CFAP99: variants seen among roughly 807,000 people sequenced by gnomAD.
CFAP99 encodes the protein cilia and flagella associated protein 99.
Under a neutral mutation model 82.7 loss-of-function variants are expected in CFAP99, and 84 were observed. The ratio of observed to expected loss-of-function variants is 1.02; its 90% CI spans 0.85 to 1.22. The LOEUF is 1.22. Among genes scored for constraint, CFAP99 ranks in the 50% most tolerant of loss-of-function variants. The pLI is 0.00. For missense variants in CFAP99, 1,059 were observed against 983.5 expected (o/e 1.08, Z -1.03); for synonymous variants, 456 against 429.5 (o/e 1.06, Z -0.76).
intron 13 of CFAP99, 78 bp downstream of exon 13, chr4:2,459,336 T>G (rs1578484459): frequency 6.9e-7 from 1 of 1,438,954 alleles, no homozygotes; most frequent in East Asian, 2.5e-5. Flanking sequence ...GTTTCCAGGG[T>G]TCCCACCAGA....
intron 6 of CFAP99, among the ~76,000 whole-genome samples, chr4:2,445,869 C>A (rs1734152036): frequency 6.6e-6 from 1 of 152,230 alleles, no homozygotes; most frequent in South Asian, 2.1e-4. Context: ...TCCAGCTCTG[C>A]TTCTCGTATA....
At chr4:2,423,272 A>ACACCG (rs1221955365) in intron 1 of CFAP99, among the ~76,000 whole-genome samples, 1 of 152,122 alleles carries the variant, frequency 6.6e-6, no homozygotes, top group Non-Finnish European at 1.5e-5. Context: ...ACACTGCACC[A>ACACCG]CACCGCACCG....
At chr4:2,447,595 G>A (rs574653649) in intron 6 of CFAP99, among the ~76,000 whole-genome samples, 8 of 150,996 alleles carry the variant, frequency 5.3e-5, no homozygotes, top group Non-Finnish European at 1.0e-4. Flanking sequence ...ATGAATGGAT[G>A]AACACATGGG....
At chr4:2,459,297 C>T in intron 13 of CFAP99, 39 bp downstream of exon 13, 1 of 1,486,636 alleles carries the variant, frequency 6.7e-7, no homozygotes, top group South Asian at 1.3e-5. Context: ...GCCTCAGGGG[C>T]CTCCACGCTG....
chr4:2,453,041 C>T (rs1310171442), intron 11 of CFAP99, among the ~76,000 whole-genome samples: 2 of 152,036 alleles, frequency 1.3e-5, no homozygotes, highest in South Asian at 2.1e-4. Context: ...CCATCCTGGG[C>T]GACAGAGCGT....
At position 2,462,523 on chromosome 4, in the gene CFAP99, T is replaced by C; in HGVS notation, c.1742T>C (p.Ile581Thr). Reference sequence around the variant, plus strand: ...CGCGTGCAGCAGCTGCGGCGCAGGATCTCGGAGAGGGCGGCCGAGCGCAGC... The same window carrying C: ...CGCGTGCAGCAGCTGCGGCGCAGGACCTCGGAGAGGGCGGCCGAGCGCAGC... The change falls in exon 15 of 15, where the codon ATC becomes ACC. Residue 581 changes from isoleucine to threonine, a missense_variant. Ile to Thr is a moderately conservative substitution (Grantham distance 89). Transcript: ENST00000635017. This position sits in a 1 kb window ranked among gnomAD's most constrained non-coding sequence, Gnocchi z 4.1. 3 of 1,475,402 alleles carry C rather than the reference T, an allele frequency of 2.0e-6. No individual in the cohort carries two copies. Among genetic ancestry groups the C allele is most frequent in the Non-Finnish European group, 2.7e-6 (3 of 1,121,720 alleles). The allele number at this position is 1,475,402 out of a possible 1,614,324, so 91.4% of individuals were successfully genotyped here. A position where few individuals can be genotyped will look rare whatever the true frequency, so the allele number is the denominator to read the frequency against.
intron 1 of CFAP99, among the ~76,000 whole-genome samples, chr4:2,424,352 C>G (rs1471004896): frequency 6.6e-6 from 1 of 152,222 alleles, no homozygotes; most frequent in Non-Finnish European, 1.5e-5. Context: ...ACTCAGGAGG[C>G]TAAGGCAGGA....
chr4:2,435,204 A>G (rs1733882308), intron 2 of CFAP99, among the ~76,000 whole-genome samples: 1 of 151,174 alleles, frequency 6.6e-6, no homozygotes, highest in African/African-American at 2.4e-5. Context: ...AGGCTGAGGC[A>G]GGAAATTGCT....
chr4:2,438,765 G>A (rs143471495), intron 4 of CFAP99, among the ~76,000 whole-genome samples: 2 of 152,038 alleles, frequency 1.3e-5, no homozygotes, highest in Non-Finnish European at 2.9e-5. Flanking sequence ...GCAAGACCCC[G>A]TCTCTAAAAA....
chr4:2,435,142 G>A lies in CFAP99; in HGVS notation c.112-1732G>A, dbSNP rs577441452. Among the ~76,000 whole-genome samples the A allele has an allele frequency of 2.0e-5, 3 of 151,874 alleles. No homozygotes were observed. In the East Asian group the frequency reaches 5.8e-4, roughly 29 times the overall value. On this transcript the variant is annotated intron_variant, in intron 2 of 14. Transcript: ENST00000635017. ...GAAACCCCATCTCTACTAAATATAC[G>A]AAAAATTAGCCAGGCGTGGGTGGCT...
chr4:2,444,567 G>C (rs930086432), intron 5 of CFAP99, among the ~76,000 whole-genome samples: 1 of 152,110 alleles, frequency 6.6e-6, no homozygotes, highest in South Asian at 2.1e-4. Context: ...GGACATGGAA[G>C]GGGGAGCCCC....
At chr4:2,445,973 A>G (rs1472005864) in intron 6 of CFAP99, among the ~76,000 whole-genome samples, 1 of 152,162 alleles carries the variant, frequency 6.6e-6, no homozygotes, top group Non-Finnish European at 1.5e-5. Flanking sequence ...GATCACTGTG[A>G]TCAGGAATAT....
At chr4:2,438,256 TTTTGTTTGTTTG>T in intron 4 of CFAP99, 92 bp downstream of exon 4, 1 of 772,510 alleles carries the variant, frequency 1.3e-6, no homozygotes, top group Non-Finnish European at 2.2e-6. Context: ...GGTTGGGTTG[TTTTGTTTGTTTG>T]TTTGTTTGTT....
In CFAP99 at chr4:2,459,241, C is replaced by G. The variant is rs771646446; in HGVS notation, c.1438C>G (p.Leu480Val). 3 of 1,534,282 alleles carry G rather than the reference C, an allele frequency of 2.0e-6. No homozygotes were observed. The highest frequency in any genetic ancestry group is 2.4e-5 in the South Asian group (2 of 83,936). The change falls in exon 13 of 15, where the codon CTC becomes GTC. Residue 480 changes from leucine to valine, a missense_variant. Leu to Val is a conservative substitution (Grantham distance 32, BLOSUM62 1). Coordinates refer to ENST00000635017, the Ensembl canonical transcript of CFAP99. Reference sequence around the variant, plus strand: ...GACACAGCCCACGCGCAAGGGCAAGCTCGTGGACCTGACCCAGGTGAGGAT... The same window carrying G: ...GACACAGCCCACGCGCAAGGGCAAGGTCGTGGACCTGACCCAGGTGAGGAT...
rs1307858923 is a variant in CFAP99, at chr4:2,430,238, AATT to A, written c.111+3654_111+3656del. Among the ~76,000 whole-genome samples, 604 of 116,334 alleles carry A rather than the reference AATT, an allele frequency of 5.2e-3. 27 individuals carry two copies. Among genetic ancestry groups the A allele is most frequent in the East Asian group, 8.9e-3 (31 of 3,476 alleles). 76.3% of individuals were successfully genotyped at this position (116,334 alleles called of 152,430 possible). On this transcript the variant is annotated intron_variant, in intron 2 of 14. Transcript: ENST00000635017. ...AGCGGACTGCGGTGAAATGCCAGAA[AATT>A]ACGCAATACGTAAACCAAACGGCAG... is the stretch of plus-strand genomic sequence containing the variant.
intron 4 of CFAP99, among the ~76,000 whole-genome samples, chr4:2,441,143 G>C (rs1249313309): frequency 6.6e-6 from 1 of 151,484 alleles, no homozygotes; most frequent in East Asian, 1.9e-4. Flanking sequence ...GGCCGAAGTG[G>C]GTGTATCCCT....
At chr4:2,461,888 A>C (rs1397081456) in intron 14 of CFAP99, among the ~76,000 whole-genome samples, 1 of 152,198 alleles carries the variant, frequency 6.6e-6, no homozygotes, top group African/African-American at 2.4e-5. Flanking sequence ...GGGTACCTCC[A>C]GGCAAGAGAC....
rs936374360 is a variant in CFAP99 at position 2,462,812 on chromosome 4, G to A, written c.2031G>A (p.Ala677=). The change falls in exon 15 of 15, where the codon GCG becomes GCA. Residue 677 remains alanine (A), a synonymous_variant. Coordinates refer to ENST00000635017, the Ensembl canonical transcript of CFAP99. This position sits in a 1 kb window ranked among gnomAD's most constrained non-coding sequence, Gnocchi z 4.1. The stretch of plus-strand genomic sequence containing the variant: ...CCGACGCGTTCCCCGGCCTGCAGGC[G>A]CAGCTAGAGGCGCAGCACTGGCTGG... 2.3e-6 allele frequency: 3 copies of A among 1,321,298 alleles called. No individual in the cohort carries two copies. Among genetic ancestry groups the A allele is most frequent in the African/African-American group, 1.5e-5 (1 of 65,022 alleles). 81.8% of individuals were successfully genotyped at this position (1,321,298 alleles called of 1,614,324 possible).
intron 10 of CFAP99, 122 bp from the exon 11 acceptor site, chr4:2,452,020 T>C: frequency 1.0e-6 from 1 of 960,160 alleles, no homozygotes; most frequent in East Asian, 2.6e-5. Flanking sequence ...GCCACGCAGC[T>C]GGGTGTCAGG....
Sources: gnomAD v4.1 joint callset for allele counts (sites outside exome capture counted in the v4.1 genomes callset) on GRCh38, gnomAD v4.1.1 for gene constraint, Gnocchi (gnomAD v3.1) non-coding constraint, MANE v1.5 for transcripts, NCBI Gene and HGNC (gene_info 2026-07-23, HGNC 2026-07-21) for gene names.